Variants in CDHR3 observed in about 807,000 individuals in gnomAD.
The protein encoded by CDHR3 is cadherin-related family member 3.
A neutral mutation model predicts 86.6 loss-of-function variants in CDHR3; 79 were observed. That is an observed-to-expected ratio of 0.91 (90% CI 0.76 to 1.10). The LOEUF (loss-of-function observed/expected upper bound fraction) is 1.10. CDHR3 is among the 50% of genes least tolerant of loss of function. The pLI is 0.00. For synonymous variants in CDHR3, 421 were observed against 402.4 expected (o/e 1.05, Z -0.55); for missense variants, 1,081 against 1,077.6 (o/e 1.00, Z -0.04).
At chr7:106,017,817 G>A (rs749288156) in intron 11 of CDHR3, 29 bp from the exon 12 acceptor site, 1 of 1,524,738 alleles carries the variant, frequency 6.6e-7, no homozygotes, top group African/African-American at 1.4e-5. Flanking sequence ...TTAAAAGCAG[G>A]ACTTATTGCA....
chr7:106,028,042 T>C (rs1351326669), intron 16 of CDHR3, among the ~76,000 whole-genome samples: 1 of 151,832 alleles, frequency 6.6e-6, no homozygotes, highest in Non-Finnish European at 1.5e-5. Context: ...AGAGGATCAC[T>C]TGAGCTCAAG....
In CDHR3 at chr7:106,017,872, G is replaced by A. The variant is rs1216276757; in HGVS notation, c.1453G>A (p.Ala485Thr). 1.3e-6 allele frequency: 2 copies of A among 1,595,750 alleles called. No homozygotes were observed. Residue 485 changes from alanine to threonine, a missense_variant, in exon 12 of 19, where the codon GCC (alanine) becomes ACC (threonine). Transcript: ENST00000317716. The stretch of plus-strand genomic sequence containing the variant: ...CAGAACCCGAGTGGGACAGGTGCGA[G>A]CCACTGATAAAGACCTCCCCCAGAG... ...PARTRVGQVR[A>T]TDKDLPQSSL...
intron 11 of CDHR3, among the ~76,000 whole-genome samples, chr7:106,016,942 G>C (rs543776118): frequency 6.6e-6 from 1 of 152,290 alleles, no homozygotes; most frequent in African/African-American, 2.4e-5. Flanking sequence ...AATTGAAAAA[G>C]AGAAGGTTCT....
intron 1 of CDHR3, among the ~76,000 whole-genome samples, chr7:105,967,829 T>C (rs374496767): frequency 6.6e-6 from 1 of 152,180 alleles, no homozygotes; most frequent in South Asian, 2.1e-4. Context: ...AAATTTGTTT[T>C]AGTTCTTTGT....
intron 6 of CDHR3, among the ~76,000 whole-genome samples, chr7:105,998,463 G>T (rs1398659641): frequency 6.6e-6 from 1 of 152,200 alleles, no homozygotes; most frequent in African/African-American, 2.4e-5. Context: ...TGCTCCAGGA[G>T]TCTGCCATTA....
intron 1 of CDHR3, among the ~76,000 whole-genome samples, chr7:105,968,785 T>A (rs3847073): frequency 6.6e-6 from 1 of 152,094 alleles, no homozygotes; most frequent in African/African-American, 2.4e-5. Flanking sequence ...GCATGAAGCA[T>A]GCTGATTAAT....
At chr7:105,972,111 A>C (rs1828072171) in intron 1 of CDHR3, among the ~76,000 whole-genome samples, 1 of 152,080 alleles carries the variant, frequency 6.6e-6, no homozygotes, top group African/African-American at 2.4e-5. Flanking sequence ...ATAATCTCAG[A>C]TGTGTGCAAT....
intron 1 of CDHR3, among the ~76,000 whole-genome samples, chr7:105,969,323 C>A (rs1450489285): frequency 6.8e-6 from 1 of 146,312 alleles, no homozygotes; most frequent in African/African-American, 2.5e-5. Flanking sequence ...GGCGTGAACC[C>A]CAGGGGGCGG....
At chr7:105,992,557 C>A (rs999233128) in intron 4 of CDHR3, among the ~76,000 whole-genome samples, 1 of 152,108 alleles carries the variant, frequency 6.6e-6, no homozygotes, top group East Asian at 1.9e-4. Flanking sequence ...GTGGCATCAC[C>A]CAAATATTTC....
intron 7 of CDHR3, 79 bp from the exon 8 acceptor site, chr7:106,004,419 C>A: frequency 8.6e-7 from 1 of 1,157,464 alleles, no homozygotes; most frequent in Non-Finnish European, 1.2e-6. Context: ...TTCGAATGGT[C>A]TTTTCCAGTT....
intron 8 of CDHR3, among the ~76,000 whole-genome samples, chr7:106,005,943 A>G (rs1327929866): frequency 2.0e-5 from 3 of 152,152 alleles, no homozygotes; most frequent in Admixed American, 2.0e-4. Context: ...GACTGTTTTC[A>G]TGCTGCTGAT....
At position 106,035,633 on chromosome 7, in the gene CDHR3, C is replaced by G. The variant is rs1347206883; in HGVS notation, c.*2936C>G. Among the ~76,000 whole-genome samples, 1 of 152,146 alleles carries G rather than the reference C, an allele frequency of 6.6e-6. No homozygotes were observed. Among genetic ancestry groups the G allele is most frequent in the African/African-American group, 2.4e-5 (1 of 41,436 alleles). On this transcript the variant is annotated 3_prime_UTR_variant, in exon 19 of 19. Coordinates refer to ENST00000317716, the MANE Select transcript of CDHR3 (RefSeq NM_152750.5). ...GATACAGTCTTCTCAGTCCAAATAC[C>G]CCTTGGAGGTTTCCCCTTGGCCACT...
At chr7:106,000,091 C>T (rs939087131) in intron 6 of CDHR3, among the ~76,000 whole-genome samples, 1 of 152,228 alleles carries the variant, frequency 6.6e-6, no homozygotes, top group Admixed American at 6.5e-5. Flanking sequence ...CTCTTTGGCC[C>T]CATTCCACTT....
At chr7:106,027,110 G>A (rs549621660) in intron 16 of CDHR3, among the ~76,000 whole-genome samples, 2 of 152,236 alleles carry the variant, frequency 1.3e-5, no homozygotes, top group South Asian at 4.1e-4. Context: ...TGAAAGAACA[G>A]ATAAGGCTGG....
intron 8 of CDHR3, chr7:106,004,968 G>C (rs1833751686): frequency 2.3e-6 from 1 of 427,668 alleles, no homozygotes; most frequent in Non-Finnish European, 4.2e-6. Flanking sequence ...GCTCATCTCT[G>C]TTGGTGAAAA....
At chr7:106,011,370 C>T (rs931816920) in intron 8 of CDHR3, among the ~76,000 whole-genome samples, 7 of 151,902 alleles carry the variant, frequency 4.6e-5, no homozygotes, top group African/African-American at 1.5e-4. Flanking sequence ...TGGGACTTGC[C>T]CTCTCTTGTT....
chr7:105,969,418 AAAGT>A (rs1827570273), intron 1 of CDHR3, among the ~76,000 whole-genome samples: 1 of 151,782 alleles, frequency 6.6e-6, no homozygotes, highest in Admixed American at 6.6e-5. Flanking sequence ...AAAAAAAAAA[AAAGT>A]GTTTCGTTGT....
chr7:106,005,159 A>G (rs1244912774), intron 8 of CDHR3, among the ~76,000 whole-genome samples: 1 of 152,246 alleles, frequency 6.6e-6, no homozygotes, highest in East Asian at 1.9e-4. Context: ...CCAAGTACTT[A>G]GGTAAAACCA....
chr7:106,022,300 T>G lies in CDHR3; in HGVS notation c.1928T>G (p.Ile643Ser). 6.2e-7 allele frequency: 1 copy of G among 1,614,066 alleles called. No homozygotes were observed. The highest frequency in any genetic ancestry group is 2.2e-5 in the East Asian group (1 of 44,892). The change falls in exon 14 of 19, where the codon ATC (isoleucine) becomes AGC (serine). Residue 643 changes from isoleucine to serine, a missense_variant. Coordinates refer to ENST00000317716, the MANE Select transcript of CDHR3 (RefSeq NM_152750.5). Reference protein sequence around the residue: ...RFDYAGGFDKIWDYKLLVYVT... With the variant: ...RFDYAGGFDKSWDYKLLVYVT... ...GACTATGCTGGTGGGTTTGATAAGA[T>G]CTGGGACTACAAGCTACTTGTCTAC...
Sources: gnomAD v4.1 joint callset for allele counts (sites outside exome capture counted in the v4.1 genomes callset) on GRCh38, gnomAD v4.1.1 for gene constraint, MANE v1.5 for transcripts, NCBI Gene and HGNC (gene_info 2026-07-23, HGNC 2026-07-21) for gene names.